Variants in TYW1 observed in about 807,000 individuals in gnomAD.
TYW1 encodes S-adenosyl-L-methionine-dependent tRNA 4-demethylwyosine synthase TYW1.
TYW1 carries 46 observed loss-of-function variants against 96.2 expected under a neutral mutation model. The ratio of observed to expected loss-of-function variants is 0.48; its 90% confidence interval spans 0.38 to 0.61. TYW1 has a LOEUF of 0.61. Ranked by LOEUF, TYW1 falls within the 20% of genes least tolerant of loss-of-function variation. The pLI is 0.00. For missense variants in TYW1, 684 were observed against 909.6 expected (o/e 0.75, Z 3.19); for synonymous variants, 274 against 323.0 (o/e 0.85, Z 1.63).
At chr7:67,056,630 T>G (rs1795527434) in intron 9 of TYW1, among the ~76,000 whole-genome samples, 1 of 152,198 alleles carries the variant, frequency 6.6e-6, no homozygotes, top group African/African-American at 2.4e-5. Flanking sequence ...GTTCATTCAC[T>G]TTTATTGCTC....
At chr7:67,172,125 T>C (rs1045156085) in intron 13 of TYW1, among the ~76,000 whole-genome samples, 2 of 152,056 alleles carry the variant, frequency 1.3e-5, no homozygotes, top group Non-Finnish European at 2.9e-5. Flanking sequence ...CCTCCCCTTT[T>C]CAGCTGTCTT....
intron 3 of TYW1, among the ~76,000 whole-genome samples, chr7:67,005,032 A>C (rs985386335): frequency 6.6e-5 from 10 of 152,126 alleles, no homozygotes; most frequent in African/African-American, 2.2e-4. Flanking sequence ...CTGGGATTAC[A>C]GATGTGAGCC....
At chr7:67,128,674 A>G (rs1044572817) in intron 13 of TYW1, among the ~76,000 whole-genome samples, 6 of 148,208 alleles carry the variant, frequency 4.0e-5, no homozygotes, top group Non-Finnish European at 7.4e-5. Context: ...CTGTAGTCTT[A>G]TGATTAGGTC....
At chr7:67,029,414 T>TATATACACATATATATATATAC (rs1562973615) in intron 7 of TYW1, among the ~76,000 whole-genome samples, 3 of 138,374 alleles carry the variant, frequency 2.2e-5, no homozygotes, top group East Asian at 2.1e-4. Context: ...TGTGTGTGTG[T>TATATACACATATATATATATAC]GTATATATAT....
chr7:67,184,871 C>T (rs142119715), intron 14 of TYW1, among the ~76,000 whole-genome samples: 5,006 of 151,432 alleles, frequency 0.033, 254 homozygotes, highest in African/African-American at 0.11. Context: ...CCGCACCTGG[C>T]TAATTTTTCT....
Position 67,014,349 on chromosome 7 carries a change from A to G in TYW1, c.376-18A>G. 6.3e-7 allele frequency: 1 copy of G among 1,576,640 alleles called. No homozygotes were observed. Among genetic ancestry groups the G allele is most frequent in the East Asian group, 2.3e-5 (1 of 44,400 alleles). On this transcript the variant is annotated intron_variant, in intron 4 of 15. Transcript: ENST00000359626. ...TATGCCTTGTATGTTCCACTGAAAC[A>G]ATTACTTTCTTGGTTAGGTGACTAG...
chr7:67,009,497 T>C (rs1584457603), intron 3 of TYW1, 86 bp from the exon 4 acceptor site: 5 of 1,152,306 alleles, frequency 4.3e-6, no homozygotes, highest in Non-Finnish European at 6.3e-6. Flanking sequence ...TCATGAGGAA[T>C]GCCACATTCT....
intron 12 of TYW1, among the ~76,000 whole-genome samples, chr7:67,111,437 G>C (rs1184145980): frequency 6.6e-6 from 1 of 152,178 alleles, no homozygotes. Flanking sequence ...CTGACCTCAA[G>C]TGATCTGCCC....
chr7:67,012,910 CAGAAAAAA>C (rs1793862576), intron 4 of TYW1, among the ~76,000 whole-genome samples: 1 of 150,770 alleles, frequency 6.6e-6, no homozygotes, highest in Non-Finnish European at 1.5e-5. Flanking sequence ...AAAACCAAAA[CAGAAAAAA>C]ACCTCTAAAA....
chr7:67,219,952 G>A (rs552836508), intron 15 of TYW1, among the ~76,000 whole-genome samples: 26 of 148,996 alleles, frequency 1.7e-4, no homozygotes, highest in African/African-American at 6.2e-4. Flanking sequence ...AGTTCCTGAA[G>A]TTTTGAAGTT....
At position 67,098,527 on chromosome 7, in the gene TYW1, A is replaced by G; in HGVS notation, c.1385-14A>G. The stretch of plus-strand genomic sequence containing the variant: ...TGCCTTATGTAGCTGGGTCCTTCTC[A>G]CTGTATTCTCCAGGAGTACCGGGCG... On this transcript the variant is annotated splice_polypyrimidine_tract_variant and intron_variant, in intron 11 of 15. Coordinates refer to ENST00000359626, the MANE Select transcript of TYW1 (RefSeq NM_018264.4). 6.4e-7 allele frequency: 1 copy of G among 1,551,566 alleles called. No homozygotes were observed. The highest frequency in any genetic ancestry group is 8.7e-7 in the Non-Finnish European group (1 of 1,145,378).
At chr7:67,049,460 A>G (rs1795292103) in intron 7 of TYW1, among the ~76,000 whole-genome samples, 1 of 152,144 alleles carries the variant, frequency 6.6e-6, no homozygotes, top group Non-Finnish European at 1.5e-5. Context: ...TTGTTGTCTC[A>G]TTGGGATTGT....
intron 8 of TYW1, 41 bp from the exon 9 acceptor site, chr7:67,055,794 T>G: frequency 6.5e-7 from 1 of 1,546,228 alleles, no homozygotes; most frequent in Non-Finnish European, 8.7e-7. Flanking sequence ...ATATGACGCT[T>G]TGGATCAGTC....
chr7:67,137,342 A>T (rs1430944469), intron 13 of TYW1, among the ~76,000 whole-genome samples: 2 of 151,388 alleles, frequency 1.3e-5, no homozygotes, highest in Non-Finnish European at 2.9e-5. Context: ...TAAGCCAGGC[A>T]TGGTGGCTCA....
At chr7:67,045,716 G>A (rs1459975989) in intron 7 of TYW1, among the ~76,000 whole-genome samples, 10 of 152,294 alleles carry the variant, frequency 6.6e-5, no homozygotes, top group African/African-American at 9.6e-5. Flanking sequence ...GCAGCTTGGC[G>A]AGGACATGAG....
intron 4 of TYW1, among the ~76,000 whole-genome samples, chr7:67,011,993 C>T (rs1584460582): frequency 2.0e-5 from 3 of 151,778 alleles, no homozygotes; most frequent in African/African-American, 7.3e-5. Flanking sequence ...CACTGAGGCA[C>T]AAAACAGCCA....
intron 12 of TYW1, among the ~76,000 whole-genome samples, chr7:67,108,808 G>A (rs970491111): frequency 6.6e-5 from 10 of 151,988 alleles, no homozygotes; most frequent in Non-Finnish European, 1.3e-4. Flanking sequence ...GCCATTTGCT[G>A]AACATTATAG....
chr7:67,171,781 GT>G (rs948079288), intron 13 of TYW1, among the ~76,000 whole-genome samples: 3 of 151,666 alleles, frequency 2.0e-5, no homozygotes, highest in East Asian at 1.9e-4. Flanking sequence ...AGCAACACTA[GT>G]TTTTTTTATG....
In TYW1 at chr7:67,098,654, C is replaced by G; in HGVS notation, c.1498C>G (p.Leu500Val). The change falls in exon 12 of 16, where the codon CTA (leucine) becomes GTA (valine). Residue 500 changes from leucine to valine, a missense_variant. Coordinates refer to ENST00000359626, the MANE Select transcript of TYW1 (RefSeq NM_018264.4). ...MYPEINRFLK[L>V]LHQCKISSFL... Reference sequence around the variant, plus strand: ...CCCAGAGATCAACAGGTTTTTGAAGCTACTCCACCAGTGTAAAATTTCCAG... The same window carrying G: ...CCCAGAGATCAACAGGTTTTTGAAGGTACTCCACCAGTGTAAAATTTCCAG... The G allele has an allele frequency of 1.2e-6, 2 of 1,614,074 alleles. No homozygotes were observed. The highest frequency in any genetic ancestry group is 1.7e-6 in the Non-Finnish European group (2 of 1,180,006).
Sources: allele counts gnomAD v4.1 joint callset (sites outside exome capture counted in the v4.1 genomes callset), GRCh38; gene constraint gnomAD v4.1.1; transcripts MANE v1.5; gene names NCBI Gene and HGNC (gene_info 2026-07-23, HGNC 2026-07-21).